Variants in RYR3 observed in about 807,000 individuals in gnomAD.
RYR3 encodes ryanodine receptor 3.
A neutral mutation model predicts 584.3 loss-of-function variants in RYR3; 207 were observed. That is an observed-to-expected ratio of 0.35 (90% CI 0.32 to 0.40). RYR3 has a LOEUF of 0.40. Ranked by LOEUF, RYR3 falls within the 10% of genes least tolerant of loss-of-function variation. RYR3 has a pLI of 1.00. For synonymous variants in RYR3, 2,416 were observed against 2,248.5 expected, an observed-to-expected ratio of 1.07 and a Z score of -2.11; for missense variants, 5,616 against 6,089.2, an observed-to-expected ratio of 0.92 and a Z score of 2.59.
At chr15:33,858,147 A>T in intron 99 of RYR3, 1 of 557,336 alleles carries the variant, frequency 1.8e-6, no homozygotes, top group South Asian at 2.4e-5. Flanking sequence ...CCCCGTGGAA[A>T]GGGAAGCACC....
At chr15:33,730,398 T>A (rs147743411) in intron 47 of RYR3, among the ~76,000 whole-genome samples, 3 of 152,242 alleles carry the variant, frequency 2.0e-5, no homozygotes, top group Non-Finnish European at 2.9e-5. Flanking sequence ...TGAAAACTTA[T>A]AATCTACTGA....
chr15:33,318,482 A>C lies in RYR3; in HGVS notation c.51+7386A>C, dbSNP rs116180878. The stretch of plus-strand genomic sequence containing the variant: ...CATTAACAGCTGAGCAGAGCCTATT[A>C]CTGAAGGAACAGGAATTGGGTTGGA... On this transcript the variant is annotated intron_variant, in intron 1 of 103. Transcript: ENST00000634891. 7.1e-3 allele frequency among the ~76,000 whole-genome samples: 1,085 copies of C among 152,338 alleles called. 11 individuals are homozygous for C. Among genetic ancestry groups the C allele is most frequent in the African/African-American group, 0.025 (1,050 of 41,576 alleles).
chr15:33,789,561 G>A (rs1287966848), intron 67 of RYR3, among the ~76,000 whole-genome samples: 6 of 132,586 alleles, frequency 4.5e-5, no homozygotes, highest in Admixed American at 7.9e-5. Context: ...TCACAACATC[G>A]TGAATGTACT....
In RYR3 at chr15:33,618,012, T is replaced by C. The variant is rs532189085; in HGVS notation, c.2357+4637T>C. Among the ~76,000 whole-genome samples, 4 of 152,326 alleles carry C rather than the reference T, an allele frequency of 2.6e-5. No homozygotes were observed. The South Asian group carries it at 8.3e-4, about 32-fold the overall frequency. ...AATAGAATTTGGGATGAGGTATATG[T>C]ACCTTGTAGCCCACCGAAAAGGCTG... On this transcript the variant is annotated intron_variant, in intron 19 of 103. Transcript: ENST00000634891.
intron 1 of RYR3, among the ~76,000 whole-genome samples, chr15:33,316,188 T>G (rs1968144808): frequency 6.6e-6 from 1 of 152,172 alleles, no homozygotes; most frequent in Admixed American, 6.5e-5. Flanking sequence ...TTTTGAAGGA[T>G]TTGTATTTAA....
intron 38 of RYR3, among the ~76,000 whole-genome samples, chr15:33,684,267 C>T (rs999404379): frequency 5.9e-5 from 9 of 152,112 alleles, no homozygotes; most frequent in Non-Finnish European, 1.2e-4. Flanking sequence ...GGCAGGGTGC[C>T]CCTCTGGGAT....
At chr15:33,711,210 A>G (rs956489481) in intron 43 of RYR3, among the ~76,000 whole-genome samples, 2 of 150,830 alleles carry the variant, frequency 1.3e-5, no homozygotes, top group Admixed American at 1.3e-4. Context: ...GGTTGTTAGA[A>G]GCAGCCATGC....
intron 1 of RYR3, among the ~76,000 whole-genome samples, chr15:33,458,370 AC>A: frequency 6.6e-6 from 1 of 152,186 alleles, no homozygotes; most frequent in African/African-American, 2.4e-5. Flanking sequence ...CTGCCCTTGG[AC>A]CTTGTTGCTC....
intron 51 of RYR3, 91 bp downstream of exon 51, chr15:33,740,086 C>A: frequency 9.1e-7 from 1 of 1,101,130 alleles, no homozygotes. Context: ...TGAGCTTTAC[C>A]TCTTTCCCTC....
chr15:33,783,567 G>A (rs1344344459), intron 65 of RYR3, among the ~76,000 whole-genome samples: 2 of 152,162 alleles, frequency 1.3e-5, no homozygotes, highest in Non-Finnish European at 2.9e-5. Context: ...TAGGCAGCGG[G>A]CAAAAAGTGT....
rs554319474 is a variant in RYR3, at chr15:33,641,333, G to C, written c.3557-2978G>C. Among the ~76,000 whole-genome samples the C allele has an allele frequency of 5.3e-5, 8 of 152,312 alleles. No homozygotes were observed. The East Asian group carries it at 1.5e-3, about 29-fold the overall frequency. ...TTTCTAGGTCTCAGTTTCCTCATCT[G>C]TAAAATTGGCATAATAATGAGATGT... On this transcript the variant is annotated intron_variant, in intron 27 of 103. Transcript: ENST00000634891.
rs200376911 is a variant in RYR3 at position 33,647,489 on chromosome 15, A to G, written c.3978+29A>G. ...AGTAAATGTGCTCAATTATGGTTTT[A>G]ATTATTTGATTCTTTGTTGTGCCTG... On this transcript the variant is annotated intron_variant, in intron 30 of 103. Coordinates refer to ENST00000634891, the MANE Select transcript of RYR3 (RefSeq NM_001036.6). 189 of 1,536,800 alleles carry G rather than the reference A, an allele frequency of 1.2e-4. No homozygotes were observed. The African/African-American group carries it at 2.3e-3, about 19-fold the overall frequency.
At chr15:33,382,232 C>T (rs1395462181) in intron 1 of RYR3, among the ~76,000 whole-genome samples, 2 of 150,686 alleles carry the variant, frequency 1.3e-5, no homozygotes, top group Non-Finnish European at 2.9e-5. Context: ...AGGGACTCGT[C>T]TGCTGAATTT....
chr15:33,759,222 C>T (rs2072183095), intron 60 of RYR3, among the ~76,000 whole-genome samples: 1 of 152,176 alleles, frequency 6.6e-6, no homozygotes, highest in Non-Finnish European at 1.5e-5. Flanking sequence ...ATTCCAAAAA[C>T]CAGAATGTCT....
At chr15:33,393,288 C>T (rs916745000) in intron 1 of RYR3, among the ~76,000 whole-genome samples, 1 of 152,180 alleles carries the variant, frequency 6.6e-6, no homozygotes, top group African/African-American at 2.4e-5. Flanking sequence ...GTCGCATAAC[C>T]GTGATTTGCT....
intron 2 of RYR3, among the ~76,000 whole-genome samples, chr15:33,484,965 A>T (rs2050284076): frequency 6.6e-6 from 1 of 152,210 alleles, no homozygotes; most frequent in Non-Finnish European, 1.5e-5. Context: ...GGTAAATCAC[A>T]CTATGAGAGT....
At chr15:33,749,219 A>G (rs1298065875) in intron 55 of RYR3, among the ~76,000 whole-genome samples, 1 of 152,178 alleles carries the variant, frequency 6.6e-6, no homozygotes, top group East Asian at 1.9e-4. Context: ...AAGGCCCCCA[A>G]AACATAAGGA....
intron 38 of RYR3, among the ~76,000 whole-genome samples, chr15:33,692,788 G>C (rs898318692): frequency 6.6e-6 from 1 of 152,096 alleles, no homozygotes; most frequent in Admixed American, 6.6e-5. Flanking sequence ...TTGCCCTCTA[G>C]TGAGGTGTTT....
intron 35 of RYR3, 120 bp downstream of exon 35, chr15:33,663,068 ACC>A: frequency 2.4e-6 from 2 of 817,798 alleles, no homozygotes; most frequent in Non-Finnish European, 3.9e-6. Flanking sequence ...ATAGTGACTG[ACC>A]AAGAGTGCTT....
Sources: allele counts gnomAD v4.1 joint callset (sites outside exome capture counted in the v4.1 genomes callset), GRCh38; gene constraint gnomAD v4.1.1; transcripts MANE v1.5; gene names NCBI Gene and HGNC (gene_info 2026-07-23, HGNC 2026-07-21).